Variants in TNFSF4 observed in about 807,000 individuals in gnomAD.
TNFSF4 encodes the protein tumor necrosis factor ligand superfamily member 4.
TNFSF4 carries 4 observed loss-of-function variants against 7.3 expected under a neutral mutation model. That is an observed-to-expected ratio of 0.55 (90% CI 0.27 to 1.25). The LOEUF (loss-of-function observed/expected upper bound fraction) is 1.25. Among genes scored for constraint, TNFSF4 ranks in the 50% most tolerant of loss-of-function variants. The pLI is 0.12. For synonymous variants in TNFSF4, 76 were observed against 83.7 expected, an observed-to-expected ratio of 0.91 and a Z score of 0.50; for missense variants, 181 against 208.8, an observed-to-expected ratio of 0.87 and a Z score of 0.82.
the TNFSF4 span, among the ~76,000 whole-genome samples, chr1:173,267,943 C>T: frequency 6.6e-6 from 1 of 151,784 alleles, no homozygotes; most frequent in African/African-American, 2.4e-5. Flanking sequence ...TAAAGGAACA[C>T]CAAAGCAAAT....
chr1:173,260,724 G>A, the TNFSF4 span, among the ~76,000 whole-genome samples: 1 of 152,042 alleles, frequency 6.6e-6, no homozygotes, highest in African/African-American at 2.4e-5. Context: ...AACCAACTAA[G>A]ATCAAAAAAG....
chr1:173,329,986 G>A, the TNFSF4 span, among the ~76,000 whole-genome samples: 3 of 151,958 alleles, frequency 2.0e-5, no homozygotes, highest in African/African-American at 4.8e-5. Context: ...CCCTTTCTTC[G>A]GTCATATTTG....
At chr1:173,205,570 G>C in intron 1 of TNFSF4, 1 of 1,253,308 alleles carries the variant, frequency 8.0e-7, no homozygotes, top group South Asian at 2.6e-5. Flanking sequence ...TCATCCCATG[G>C]TGTAAGGAAA....
the TNFSF4 span, among the ~76,000 whole-genome samples, chr1:173,313,883 G>C: frequency 6.6e-6 from 1 of 151,908 alleles, no homozygotes; most frequent in Non-Finnish European, 1.5e-5. Flanking sequence ...CCCAGCCTAG[G>C]GATACTTGTC....
chr1:173,188,469 A>G, intron 2 of TNFSF4, 52 bp downstream of exon 2: 1 of 1,386,508 alleles, frequency 7.2e-7, no homozygotes, highest in Non-Finnish European at 1.0e-6. Flanking sequence ...AAGAGACTGA[A>G]GAGAAGATTC....
intron 1 of TNFSF4, among the ~76,000 whole-genome samples, chr1:173,196,168 G>A (rs181598430): frequency 1.6e-4 from 24 of 152,224 alleles, no homozygotes; most frequent in East Asian, 5.8e-4. Context: ...TTCTGATCAC[G>A]GAAGTTCAGA....
At chr1:173,239,633 G>A in the TNFSF4 span, among the ~76,000 whole-genome samples, 119 of 152,182 alleles carry the variant, frequency 7.8e-4, 1 homozygote, top group Non-Finnish European at 1.5e-3. Flanking sequence ...TGAAAGAAAG[G>A]TGCAGGTCTC....
chr1:173,208,679 A>G (rs1187080165), upstream of TNFSF4, among the ~76,000 whole-genome samples: 11 of 152,208 alleles, frequency 7.2e-5, no homozygotes, highest in Admixed American at 3.9e-4. Context: ...CATATTTGTC[A>G]TAGTTATTCC....
the TNFSF4 span, among the ~76,000 whole-genome samples, chr1:173,420,501 C>T: frequency 0.84 from 127,472 of 152,176 alleles, 53,675 homozygotes; most frequent in African/African-American, 0.92. Context: ...CACTTAGGCA[C>T]ATTGCAGTTA....
the TNFSF4 span, among the ~76,000 whole-genome samples, chr1:173,439,716 A>C: frequency 6.6e-6 from 1 of 152,208 alleles, no homozygotes; most frequent in Non-Finnish European, 1.5e-5. Context: ...TCAACTGGAA[A>C]GGCCACTGAA....
At chr1:173,259,352 C>T in the TNFSF4 span, among the ~76,000 whole-genome samples, 4 of 152,130 alleles carry the variant, frequency 2.6e-5, no homozygotes, top group Admixed American at 6.5e-5. Context: ...GGTCACCAGC[C>T]TCAAAGATCA....
At chr1:173,303,359 G>A in the TNFSF4 span, among the ~76,000 whole-genome samples, 2 of 151,844 alleles carry the variant, frequency 1.3e-5, no homozygotes, top group South Asian at 4.2e-4. Context: ...ATTGTATGAG[G>A]GTGAAATTTG....
chr1:173,440,528 G>C, the TNFSF4 span: 1 of 152,172 alleles, frequency 6.6e-6, no homozygotes, highest in Non-Finnish European at 1.5e-5. Flanking sequence ...AGATGATGCT[G>C]TTCTTCCACA....
Position 173,186,788 on chromosome 1 carries a change from T to A in TNFSF4, c.280A>T (p.Ile94Phe), listed in dbSNP as rs1649245567. ...AGATAAAACCCATCACAGTTGATGA[T>A]GACTGAGTTGTTCTGCACCTTCATG... ...EIMKVQNNSV[I>F]INCDGFYLIS... Residue 94 changes from isoleucine (I) to phenylalanine (F), a missense_variant, in exon 3 of 3, where the codon ATC (isoleucine) becomes TTC (phenylalanine). Transcript: ENST00000281834. 1 of 1,614,020 alleles carries A rather than the reference T, an allele frequency of 6.2e-7. No homozygotes were observed. The highest frequency in any genetic ancestry group is 1.3e-5 in the African/African-American group (1 of 74,928).
At chr1:173,317,458 C>G in the TNFSF4 span, among the ~76,000 whole-genome samples, 1 of 152,296 alleles carries the variant, frequency 6.6e-6, no homozygotes, top group East Asian at 1.9e-4. Flanking sequence ...CAAAGGTGTA[C>G]CCTTACATGT....
the TNFSF4 span, among the ~76,000 whole-genome samples, chr1:173,373,402 A>T: frequency 1.3e-5 from 2 of 152,338 alleles, no homozygotes; most frequent in East Asian, 3.9e-4. Context: ...AAGCCCCAGT[A>T]TTCCCCAACT....
the TNFSF4 span, among the ~76,000 whole-genome samples, chr1:173,444,853 C>T: frequency 1.3e-5 from 2 of 152,316 alleles, no homozygotes; most frequent in African/African-American, 4.8e-5. Flanking sequence ...TGGTTGCACA[C>T]TGTCACCTGC....
chr1:173,177,257 T>G, the TNFSF4 span, among the ~76,000 whole-genome samples: 1 of 152,242 alleles, frequency 6.6e-6, no homozygotes, highest in East Asian at 1.9e-4. Flanking sequence ...GAATACTATT[T>G]GGCTGTAAAA....
the TNFSF4 span, among the ~76,000 whole-genome samples, chr1:173,378,886 A>C: frequency 0.062 from 7,541 of 121,632 alleles, 637 homozygotes; most frequent in African/African-American, 0.2. Context: ...CTCCCCCCCC[A>C]CCACAGGCTA....
Sources: allele counts gnomAD v4.1 joint callset (sites outside exome capture counted in the v4.1 genomes callset), GRCh38; gene constraint gnomAD v4.1.1; transcripts MANE v1.5; gene names NCBI Gene and HGNC (gene_info 2026-07-23, HGNC 2026-07-21).